ANO3: variants seen among roughly 807,000 people sequenced by gnomAD.
ANO3 encodes the protein anoctamin 3.
ANO3 carries 99 observed loss-of-function variants against 144.8 expected under a neutral mutation model. The ratio of observed to expected loss-of-function variants is 0.68; its 90% CI spans 0.58 to 0.81. The LOEUF (loss-of-function observed/expected upper bound fraction) is 0.81, where lower values mean the gene tolerates loss of function less well. Ranked by LOEUF, ANO3 falls within the 30% of genes least tolerant of loss-of-function variation. ANO3 has a pLI of 0.00. For synonymous variants in ANO3, 414 were observed against 392.6 expected, an observed-to-expected ratio of 1.05 and a Z score of -0.64; for missense variants, 905 against 1,202.2, an observed-to-expected ratio of 0.75 and a Z score of 3.66.
intron 1 of ANO3, among the ~76,000 whole-genome samples, chr11:26,399,032 G>A (rs1397207197): frequency 6.6e-6 from 1 of 151,876 alleles, no homozygotes; most frequent in African/African-American, 2.4e-5. Flanking sequence ...GGGAGTCTGA[G>A]GTATTTGTAC....
chr11:26,245,165 A>C (rs1052600466), intron 1 of ANO3, among the ~76,000 whole-genome samples: 1 of 152,190 alleles, frequency 6.6e-6, no homozygotes, highest in African/African-American at 2.4e-5. Flanking sequence ...ATGCATGGGT[A>C]AAGTACCCTT....
chr11:26,367,631 T>C (rs1367955162), intron 1 of ANO3, among the ~76,000 whole-genome samples: 3 of 152,160 alleles, frequency 2.0e-5, no homozygotes, highest in African/African-American at 7.2e-5. Flanking sequence ...CTGTGTCAGG[T>C]TGTTCCTGTA....
rs377723770 is a variant in ANO3 at position 26,421,935 on chromosome 11, T to C, written c.47-19983T>C. Among the ~76,000 whole-genome samples the C allele has an allele frequency of 6.0e-4, 91 of 152,014 alleles. 1 individual carries two copies. The South Asian group carries it at 0.017, about 29-fold the overall frequency. ...ACACATAGAGGGGAACAACACACACTGGGGCCTTTCAGAGGGTGGAGGGTC... is the reference window on the plus strand; with the variant it reads ...ACACATAGAGGGGAACAACACACACCGGGGCCTTTCAGAGGGTGGAGGGTC... On this transcript the variant is annotated intron_variant, in intron 1 of 26. Coordinates refer to ENST00000256737, the MANE Select transcript of ANO3 (RefSeq NM_031418.4).
intron 1 of ANO3, among the ~76,000 whole-genome samples, chr11:26,250,751 C>T (rs1293658906): frequency 6.6e-6 from 1 of 152,202 alleles, no homozygotes; most frequent in Non-Finnish European, 1.5e-5. Context: ...ATATGAGTCT[C>T]TTTCCAAATT....
At chr11:26,510,182 T>C (rs1330436966) in intron 5 of ANO3, among the ~76,000 whole-genome samples, 3 of 151,470 alleles carry the variant, frequency 2.0e-5, no homozygotes. Flanking sequence ...AATCCATTTA[T>C]GTTTATTAAA....
At chr11:26,301,187 T>C (rs1465864976) in intron 1 of ANO3, among the ~76,000 whole-genome samples, 1 of 152,080 alleles carries the variant, frequency 6.6e-6, no homozygotes, top group African/African-American at 2.4e-5. Context: ...ATAATGTATT[T>C]AATAAACTAT....
At chr11:26,262,497 C>A (rs1853212549) in intron 1 of ANO3, among the ~76,000 whole-genome samples, 2 of 152,090 alleles carry the variant, frequency 1.3e-5, no homozygotes, top group South Asian at 4.1e-4. Context: ...TGTGGGATGA[C>A]AATCATTGAC....
At chr11:26,591,872 G>A (rs1851462191) in intron 14 of ANO3, among the ~76,000 whole-genome samples, 1 of 152,078 alleles carries the variant, frequency 6.6e-6, no homozygotes. Context: ...TTTGACTTGA[G>A]CGTGATGTAT....
Position 26,488,178 on chromosome 11 carries a change from A to G in ANO3, c.433-19926A>G, listed in dbSNP as rs571375944. 1.6e-4 allele frequency among the ~76,000 whole-genome samples: 25 copies of G among 152,306 alleles called. No individual in the cohort carries two copies. In the South Asian group the frequency reaches 4.6e-3, roughly 28 times the overall value. ...AGGCTCCATCTCAAAAAAACAAAAC[A>G]AAATAAAACAAAACAAAATCCCATT... On this transcript the variant is annotated intron_variant, in intron 4 of 26. Transcript: ENST00000256737.
intron 4 of ANO3, among the ~76,000 whole-genome samples, chr11:26,466,696 A>G (rs1039702091): frequency 6.6e-6 from 1 of 151,920 alleles, no homozygotes; most frequent in African/African-American, 2.4e-5. Context: ...AAAAATCGCA[A>G]CTGAGACCAG....
At chr11:26,499,301 G>C (rs1043561138) in intron 4 of ANO3, among the ~76,000 whole-genome samples, 2 of 151,612 alleles carry the variant, frequency 1.3e-5, no homozygotes, top group East Asian at 3.9e-4. Context: ...GAATGTAATT[G>C]CATGTACCAG....
chr11:26,357,524 C>T (rs78652620), intron 1 of ANO3, among the ~76,000 whole-genome samples: 4,830 of 150,936 alleles, frequency 0.032, 227 homozygotes, highest in African/African-American at 0.1. Flanking sequence ...TCAATTTTTT[C>T]TGTTTTTTTT....
At chr11:26,620,806 A>G (rs897722980) in intron 17 of ANO3, among the ~76,000 whole-genome samples, 2 of 152,220 alleles carry the variant, frequency 1.3e-5, no homozygotes, top group African/African-American at 4.8e-5. Context: ...CTGGTTACCA[A>G]TTACAGTGCA....
At chr11:26,198,748 G>T (rs190516671) in intron 1 of ANO3, among the ~76,000 whole-genome samples, 1 of 152,090 alleles carries the variant, frequency 6.6e-6, no homozygotes, top group Non-Finnish European at 1.5e-5. Flanking sequence ...GGAAGTTGTT[G>T]ACATAGTTTA....
Position 26,565,367 on chromosome 11 carries a change from A to G in ANO3, c.1447+5588A>G. On this transcript the variant is annotated intron_variant, in intron 14 of 26. Transcript: ENST00000256737. ...AAGAGAGGATGCTAACTGTAATGGAACTGTTATCAGGAGTTTTCACGGTGT... is the reference window on the plus strand; with the variant it reads ...AAGAGAGGATGCTAACTGTAATGGAGCTGTTATCAGGAGTTTTCACGGTGT... 1.9e-6 allele frequency: 3 copies of G among 1,613,102 alleles called. No individual in the cohort carries two copies. In the South Asian group the frequency reaches 3.3e-5, roughly 18 times the overall value.
intron 6 of ANO3, among the ~76,000 whole-genome samples, chr11:26,517,705 T>C (rs1439915761): frequency 6.6e-6 from 1 of 151,918 alleles, no homozygotes; most frequent in East Asian, 1.9e-4. Context: ...TAAGTGAAAA[T>C]TAAGTGCAAT....
intron 12 of ANO3, among the ~76,000 whole-genome samples, chr11:26,548,968 C>T (rs1205626946): frequency 1.3e-5 from 2 of 150,254 alleles, no homozygotes; most frequent in Non-Finnish European, 3.0e-5. Flanking sequence ...AAAAAAAACA[C>T]TTTTAAGATA....
intron 1 of ANO3, chr11:26,427,427 C>T (rs566019877): frequency 1.5e-4 from 23 of 152,284 alleles, no homozygotes; most frequent in Middle Eastern, 3.4e-3. Flanking sequence ...TTAGAGACTA[C>T]ATTTCATCAT....
intron 1 of ANO3, among the ~76,000 whole-genome samples, chr11:26,205,388 G>A (rs981491283): frequency 1.3e-5 from 2 of 152,174 alleles, no homozygotes; most frequent in African/African-American, 4.8e-5. Context: ...GGAAATTGAT[G>A]CAGAGCACAT....
Sources: gnomAD v4.1 joint callset for allele counts (sites outside exome capture counted in the v4.1 genomes callset) on GRCh38, gnomAD v4.1.1 for gene constraint, MANE v1.5 for transcripts, NCBI Gene and HGNC (gene_info 2026-07-23, HGNC 2026-07-21) for gene names.